CTNNA2: variants seen among roughly 807,000 people sequenced by gnomAD.
The protein encoded by CTNNA2 is catenin alpha 2.
A neutral mutation model predicts 101.0 loss-of-function variants in CTNNA2; 42 were observed. The ratio of observed to expected loss-of-function variants is 0.42; its 90% CI spans 0.32 to 0.54. CTNNA2 has a LOEUF of 0.54. Among genes scored for constraint, CTNNA2 ranks in the 20% least tolerant of loss-of-function variants. The pLI is 0.14. For synonymous variants in CTNNA2, 450 were observed against 456.4 expected (o/e 0.99, Z 0.18); for missense variants, 871 against 1,223.1 (o/e 0.71, Z 4.29).
chr2:79,343,917 T>C (rs2104431429), intron 3 of CTNNA2, among the ~76,000 whole-genome samples: 1 of 152,196 alleles, frequency 6.6e-6, no homozygotes, highest in East Asian at 1.9e-4. Context: ...AGACATAAGA[T>C]AATAAAATAA....
intron 3 of CTNNA2, among the ~76,000 whole-genome samples, chr2:79,361,006 A>C (rs889292190): frequency 6.6e-6 from 1 of 152,194 alleles, no homozygotes; most frequent in Admixed American, 6.5e-5. Flanking sequence ...GTGGGAGGTC[A>C]AGGGTTTTAA....
At chr2:80,533,929 A>G (rs531453695) in intron 9 of CTNNA2, among the ~76,000 whole-genome samples, 14 of 152,310 alleles carry the variant, frequency 9.2e-5, no homozygotes, top group Non-Finnish European at 1.6e-4. Context: ...CAGCATCAAG[A>G]AGGCATTAGG....
Position 79,616,909 on chromosome 2 carries a change from C to CTTTTTTTTTTTTTTT in CTNNA2, c.-5-34634_-5-34633insTTTTTTTTTTTTTTT, listed in dbSNP as rs1425285033. 1.2e-3 allele frequency among the ~76,000 whole-genome samples: 177 copies of CTTTTTTTTTTTTTTT among 146,358 alleles called. 7 individuals are homozygous for CTTTTTTTTTTTTTTT. The South Asian group carries it at 0.032, about 27-fold the overall frequency. Reference sequence around the variant, plus strand: ...ATAATATTTAATATTTTCTTTCTTTCTTTTTTTTTCGAGACACAGTCTTGC... The same window carrying CTTTTTTTTTTTTTTT: ...ATAATATTTAATATTTTCTTTCTTTCTTTTTTTTTTTTTTTTTTTTTTTTCGAGACACAGTCTTGC... On this transcript the variant is annotated intron_variant, in intron 1 of 18. Transcript: ENST00000402739.
At position 79,707,357 on chromosome 2, in the gene CTNNA2, G is replaced by A. The variant is rs143176814; in HGVS notation, c.103-37030G>A. 2.6e-3 allele frequency among the ~76,000 whole-genome samples: 391 copies of A among 152,310 alleles called. 2 individuals carry two copies. Among genetic ancestry groups the A allele is most frequent in the African/African-American group, 9.0e-3 (375 of 41,568 alleles). Reference sequence around the variant, plus strand: ...TACACAGTGTAATTACATGTAGAGAGAGACCAGGTGTGTGTTTTTCTGAGG... The same window carrying A: ...TACACAGTGTAATTACATGTAGAGAAAGACCAGGTGTGTGTTTTTCTGAGG... On this transcript the variant is annotated intron_variant, in intron 2 of 18. Coordinates refer to ENST00000402739, the MANE Select transcript of CTNNA2 (RefSeq NM_001282597.3).
chr2:80,093,161 A>C (rs962450301), intron 7 of CTNNA2, among the ~76,000 whole-genome samples: 5 of 151,726 alleles, frequency 3.3e-5, no homozygotes, highest in East Asian at 1.9e-4. Flanking sequence ...CTGCTCCCCC[A>C]ACCCCACAAC....
chr2:80,273,023 C>A, intron 7 of CTNNA2, among the ~76,000 whole-genome samples: 1 of 152,072 alleles, frequency 6.6e-6, no homozygotes, highest in Non-Finnish European at 1.5e-5. Context: ...GTTGGGAAAG[C>A]CTTTCTGTTG....
chr2:80,178,840 T>G (rs937701826), intron 7 of CTNNA2, among the ~76,000 whole-genome samples: 1 of 152,224 alleles, frequency 6.6e-6, no homozygotes, highest in African/African-American at 2.4e-5. Context: ...GAAATTTTAC[T>G]GAAGTAGAAG....
chr2:80,496,239 G>C (rs540497532), intron 9 of CTNNA2, among the ~76,000 whole-genome samples: 29 of 152,244 alleles, frequency 1.9e-4, no homozygotes, highest in South Asian at 6.2e-4. Context: ...TGTTACGACA[G>C]CCCCAGGAAA....
At chr2:80,020,249 C>G (rs1694458495) in intron 7 of CTNNA2, among the ~76,000 whole-genome samples, 1 of 152,168 alleles carries the variant, frequency 6.6e-6, no homozygotes, top group African/African-American at 2.4e-5. Flanking sequence ...AATGAGGACA[C>G]TGGAATGGAG....
chr2:80,081,051 G>A (rs1414408691), intron 7 of CTNNA2, among the ~76,000 whole-genome samples: 1 of 151,356 alleles, frequency 6.6e-6, no homozygotes, highest in Admixed American at 6.6e-5. Context: ...GTTTGAGGAG[G>A]GAAGCAAGGA....
intron 7 of CTNNA2, among the ~76,000 whole-genome samples, chr2:80,011,074 C>G (rs1222370876): frequency 6.6e-6 from 1 of 152,142 alleles, no homozygotes; most frequent in African/African-American, 2.4e-5. Flanking sequence ...CACCTCCCCA[C>G]TCCAAACAGA....
chr2:79,752,107 C>G (rs761110901), intron 3 of CTNNA2, among the ~76,000 whole-genome samples: 4 of 151,940 alleles, frequency 2.6e-5, no homozygotes, highest in Non-Finnish European at 5.9e-5. Flanking sequence ...TGGGGAGGAC[C>G]ACCTGGCAGA....
rs144509904 is a variant in CTNNA2 at position 80,411,167 on chromosome 2, T to G, written c.1138-8282T>G. ...CACACTTTCTTTAGCATCTTACAATTTACTATTTTAAAACATTTTGATCAT... is the reference window on the plus strand; with the variant it reads ...CACACTTTCTTTAGCATCTTACAATGTACTATTTTAAAACATTTTGATCAT... On this transcript the variant is annotated intron_variant, in intron 8 of 18. Transcript: ENST00000402739. 4.4e-3 allele frequency among the ~76,000 whole-genome samples: 667 copies of G among 152,326 alleles called. 6 individuals are homozygous for G. The highest frequency in any genetic ancestry group is 0.016 in the African/African-American group (646 of 41,564).
chr2:79,238,036 A>G (rs1211665825), intron 2 of CTNNA2, among the ~76,000 whole-genome samples: 1 of 152,198 alleles, frequency 6.6e-6, no homozygotes, highest in Non-Finnish European at 1.5e-5. Flanking sequence ...GTTTGGTGCA[A>G]GAGCCCTAGC....
intron 17 of CTNNA2, among the ~76,000 whole-genome samples, chr2:80,609,390 A>G (rs143651892): frequency 6.1e-4 from 92 of 151,868 alleles, no homozygotes; most frequent in Non-Finnish European, 1.2e-3. Flanking sequence ...TGGCTTGCAT[A>G]GAGACACCAT....
At chr2:79,512,123 AACAT>A (rs371550741), upstream of CTNNA2, among the ~76,000 whole-genome samples, 482 of 152,288 alleles carry the variant, frequency 3.2e-3, no homozygotes, top group Non-Finnish European at 5.0e-3. Flanking sequence ...ACATTCCAGC[AACAT>A]CGAGTCCCAG....
At chr2:79,912,300 G>C (rs1685857057) in intron 7 of CTNNA2, among the ~76,000 whole-genome samples, 1 of 152,226 alleles carries the variant, frequency 6.6e-6, no homozygotes, top group East Asian at 1.9e-4. Context: ...TGACACAGAG[G>C]GAGACAGAGG....
At chr2:80,556,703 G>A (rs1693067754) in intron 12 of CTNNA2, among the ~76,000 whole-genome samples, 1 of 148,198 alleles carries the variant, frequency 6.7e-6, no homozygotes, top group Non-Finnish European at 1.5e-5. Flanking sequence ...CTCAGGCCTT[G>A]ATTTATATAT....
At chr2:79,356,292 AATTGGGTTGCTT>A (rs1342954409) in intron 3 of CTNNA2, among the ~76,000 whole-genome samples, 1 of 151,732 alleles carries the variant, frequency 6.6e-6, no homozygotes, top group African/African-American at 2.4e-5. Flanking sequence ...CTCATTTTTT[AATTGGGTTGCTT>A]ATTTTTCTTG....
Sources: gnomAD v4.1 joint callset for allele counts (sites outside exome capture counted in the v4.1 genomes callset) on GRCh38, gnomAD v4.1.1 for gene constraint, MANE v1.5 for transcripts, NCBI Gene and HGNC (gene_info 2026-07-23, HGNC 2026-07-21) for gene names.